Variants in TMCC2 observed in about 807,000 individuals in gnomAD.
TMCC2 encodes the protein transmembrane and coiled-coil domains protein 2.
Under a neutral mutation model 49.4 loss-of-function variants are expected in TMCC2, and 16 were observed. That is an observed-to-expected ratio of 0.32 (90% CI 0.22 to 0.49). The LOEUF (loss-of-function observed/expected upper bound fraction) is 0.49. Ranked by LOEUF, TMCC2 falls within the 20% of genes least tolerant of loss-of-function variation. The pLI, the probability that TMCC2 is intolerant of heterozygous loss-of-function variation, is 0.99. For synonymous variants in TMCC2, 397 were observed against 434.1 expected, an observed-to-expected ratio of 0.91 and a Z score of 1.06; for missense variants, 762 against 989.8, an observed-to-expected ratio of 0.77 and a Z score of 3.09.
chr1:205,257,882 C>T lies in TMCC2; in HGVS notation c.748-11068C>T, dbSNP rs537267655. Among the ~76,000 whole-genome samples, 15 of 152,192 alleles carry T rather than the reference C, an allele frequency of 9.9e-5. No homozygotes were observed. The East Asian group carries it at 2.9e-3, about 29-fold the overall frequency. On this transcript the variant is annotated intron_variant, in intron 2 of 4. Transcript: ENST00000358024. ...TGAATATGAGAGGGGAGCTCGGGGC[C>T]CCAACTGGGATCTGTGGGTGTGAGG...
At chr1:205,269,918 C>A in intron 3 of TMCC2, 34 bp downstream of exon 3, 2 of 1,585,008 alleles carry the variant, frequency 1.3e-6, no homozygotes, top group South Asian at 1.1e-5. Context: ...TGCAGCCCAG[C>A]CGGACGTGGG....
chr1:205,271,833 G>A lies in TMCC2; in HGVS notation c.1839G>A (p.Leu613=). ...RDIQEAVESC[L]TRVTKLELQQ... is the part of the protein sequence containing the mutation. ...TGCAGGAGGCCGTGGAGTCCTGCCT[G>A]ACCCGGGTCACCAAGCTGGAGCTGC... is the stretch of plus-strand genomic sequence containing the variant. Residue 613 remains leucine, a synonymous_variant, in exon 5 of 5, where the codon CTG becomes CTA. Coordinates refer to ENST00000358024, the MANE Select transcript of TMCC2 (RefSeq NM_014858.4). 6.2e-7 allele frequency: 1 copy of A among 1,612,312 alleles called. No homozygotes were observed. Among genetic ancestry groups the A allele is most frequent in the Non-Finnish European group, 8.5e-7 (1 of 1,179,980 alleles).
In TMCC2 at chr1:205,231,247, G is replaced by A. The variant is rs1017897868; in HGVS notation, c.207+2476G>A. On this transcript the variant is annotated intron_variant, in intron 1 of 4. Transcript: ENST00000358024. ...CTTGGGCAAATCACTCAACTTTTCC[G>A]AGCCTTTTTCTGGTGAAAGGGACTA... Among the ~76,000 whole-genome samples the A allele has an allele frequency of 4.6e-5, 7 of 152,050 alleles. No individual in the cohort carries two copies. In the East Asian group the frequency reaches 9.7e-4, roughly 21 times the overall value.
At chr1:205,243,917 C>T (rs954022381) in intron 2 of TMCC2, among the ~76,000 whole-genome samples, 1 of 152,162 alleles carries the variant, frequency 6.6e-6, no homozygotes, top group African/African-American at 2.4e-5. Flanking sequence ...AGTGACAGGC[C>T]AAGCACCAGG....
intron 2 of TMCC2, among the ~76,000 whole-genome samples, chr1:205,254,115 G>A (rs1372656953): frequency 1.3e-5 from 2 of 152,160 alleles, no homozygotes; most frequent in Non-Finnish European, 1.5e-5. Context: ...GAAGCGGCAC[G>A]GACAGAACAT....
At chr1:205,261,107 C>G (rs1235121161) in intron 2 of TMCC2, among the ~76,000 whole-genome samples, 3 of 151,770 alleles carry the variant, frequency 2.0e-5, no homozygotes, top group African/African-American at 7.3e-5. Context: ...AACTCCCAAA[C>G]TGTTTTCCAC....
intron 2 of TMCC2, among the ~76,000 whole-genome samples, chr1:205,251,648 A>T (rs1171108398): frequency 6.6e-6 from 1 of 152,208 alleles, no homozygotes; most frequent in African/African-American, 2.4e-5. Context: ...AGGTTTCTTC[A>T]TTGCCTGAGA....
At chr1:205,251,627 T>C (rs2102568809) in intron 2 of TMCC2, among the ~76,000 whole-genome samples, 1 of 152,334 alleles carries the variant, frequency 6.6e-6, no homozygotes, top group South Asian at 2.1e-4. Flanking sequence ...TAACATTAAC[T>C]TCATTGTATA....
At chr1:205,265,752 G>C (rs1374843228) in intron 2 of TMCC2, among the ~76,000 whole-genome samples, 2 of 150,612 alleles carry the variant, frequency 1.3e-5, no homozygotes, top group African/African-American at 2.4e-5. Flanking sequence ...GTAGAGACAG[G>C]GTTTCACCAT....
Position 205,264,363 on chromosome 1 carries a change from G to A in TMCC2, c.748-4587G>A, listed in dbSNP as rs147294211. On this transcript the variant is annotated intron_variant, in intron 2 of 4. Transcript: ENST00000358024. This position sits in a 1 kb window ranked among gnomAD's most constrained non-coding sequence, Gnocchi z 4.2. ...TTTGAGACGGAGTCTCTGTCACCCA[G>A]GCTGGAGTGCAGTGGTGCAGTCTTG... Among the ~76,000 whole-genome samples the A allele has an allele frequency of 4.8e-4, 73 of 152,314 alleles. 1 individual carries two copies. In the East Asian group the frequency reaches 0.011, roughly 23 times the overall value.
At chr1:205,262,947 G>T (rs1456132776) in intron 2 of TMCC2, among the ~76,000 whole-genome samples, 1 of 152,118 alleles carries the variant, frequency 6.6e-6, no homozygotes, top group Non-Finnish European at 1.5e-5. Flanking sequence ...GTCTCTGGTT[G>T]GCAGGGGGAG....
chr1:205,244,523 G>A (rs1660386416), intron 2 of TMCC2, among the ~76,000 whole-genome samples: 4 of 152,152 alleles, frequency 2.6e-5, no homozygotes. Context: ...TTTGGCTTGG[G>A]GCAGAGCAAG....
intron 4 of TMCC2, among the ~76,000 whole-genome samples, chr1:205,271,547 T>C (rs927505607): frequency 5.3e-5 from 8 of 152,242 alleles, no homozygotes; most frequent in African/African-American, 1.7e-4. Context: ...GTTTCCAGGC[T>C]CCAGCCTGCC....
chr1:205,229,700 C>T, intron 1 of TMCC2: 2 of 985,612 alleles, frequency 2.0e-6, no homozygotes, highest in South Asian at 9.4e-5. Flanking sequence ...AGTGCTTGGG[C>T]TGGTTTGGGG....
At chr1:205,229,545 C>CGGTGGGGGGGGGGGGGGGGGG (rs1659698927) in intron 1 of TMCC2, 1 of 283,978 alleles carries the variant, frequency 3.5e-6, no homozygotes, top group Non-Finnish European at 3.9e-6. Context: ...TGTGAAGGGG[C>CGGTGGGGGGGGGGGGGGGGGG]GGGGGGGGGG....
intron 3 of TMCC2, among the ~76,000 whole-genome samples, chr1:205,270,784 A>T (rs1047026126): frequency 1.3e-5 from 2 of 152,116 alleles, no homozygotes; most frequent in Admixed American, 6.5e-5. Flanking sequence ...TAACTCCTCC[A>T]TTCATGAGCT....
rs1439253527 is a variant in TMCC2, at chr1:205,228,203, G to C, written c.-362G>C. 6.3e-6 allele frequency: 1 copy of C among 157,916 alleles called. No individual in the cohort carries two copies. Among genetic ancestry groups the C allele is most frequent in the Non-Finnish European group, 1.4e-5 (1 of 72,304 alleles). 9.8% of individuals were successfully genotyped at this position (157,916 alleles called of 1,614,324 possible). A position where few individuals can be genotyped will look rare whatever the true frequency, so the allele number is the denominator to read the frequency against. On this transcript the variant is annotated 5_prime_UTR_variant, in exon 1 of 5. Coordinates refer to ENST00000358024, the MANE Select transcript of TMCC2 (RefSeq NM_014858.4). ...CCGGCCGGGAGGGATGCGCTGTGCCGCCCAGCTCCTCTCCGTCCTGCCCAT... is the reference window on the plus strand; with the variant it reads ...CCGGCCGGGAGGGATGCGCTGTGCCCCCCAGCTCCTCTCCGTCCTGCCCAT...
chr1:205,270,072 A>T (rs989268520), intron 3 of TMCC2, among the ~76,000 whole-genome samples, 188 bp downstream of exon 3: 1 of 151,974 alleles, frequency 6.6e-6, no homozygotes, highest in African/African-American at 2.4e-5. Context: ...TTGGAGGCGG[A>T]GTGTCTCTCT....
In TMCC2 at chr1:205,241,920, C is replaced by A; in HGVS notation, c.623C>A (p.Ala208Asp). Residue 208 changes from alanine (A) to aspartate (D), a missense_variant, in exon 2 of 5, where the codon GCC (alanine) becomes GAC (aspartate). By Grantham distance (126) the Ala-to-Asp change is moderately radical (BLOSUM62 -2). Transcript: ENST00000358024. The surrounding 1 kb of genome is among the most constrained non-coding windows in gnomAD (Gnocchi z 7.3). The stretch of plus-strand genomic sequence containing the variant: ...AAGGCCCCCCAGGACAGCAGCCTGG[C>A]CGCCATCCTGCACCAGCACCAGTGC... ...LRKAPQDSSL[A>D]AILHQHQCRP... 6.2e-7 allele frequency: 1 copy of A among 1,610,428 alleles called. No individual in the cohort carries two copies. The highest frequency in any genetic ancestry group is 2.2e-5 in the East Asian group (1 of 44,808).
Sources: allele counts gnomAD v4.1 joint callset (sites outside exome capture counted in the v4.1 genomes callset), GRCh38; gene constraint gnomAD v4.1.1; non-coding constraint Gnocchi (gnomAD v3.1); transcripts MANE v1.5; gene names NCBI Gene and HGNC (gene_info 2026-07-23, HGNC 2026-07-21).